Variants in MIR2052HG observed in about 807,000 individuals in gnomAD.
The protein encoded by MIR2052HG is MIR2052 host gene.
chr8:74,647,327 T>C (rs918276805), intron 2 of MIR2052HG, among the ~76,000 whole-genome samples: 9 of 152,182 alleles, frequency 5.9e-5, no homozygotes, highest in African/African-American at 2.2e-4. Flanking sequence ...AGTCTCCAGT[T>C]GCTTTAACTG....
chr8:74,737,126 A>G (rs1213839078), intron 4 of MIR2052HG, among the ~76,000 whole-genome samples: 1 of 152,186 alleles, frequency 6.6e-6, no homozygotes, highest in African/African-American at 2.4e-5. Flanking sequence ...TCATTTGCAT[A>G]GAAGTATAAC....
At chr8:74,626,833 C>A (rs987010199) in intron 2 of MIR2052HG, among the ~76,000 whole-genome samples, 20 of 152,338 alleles carry the variant, frequency 1.3e-4, no homozygotes, top group African/African-American at 4.3e-4. Flanking sequence ...TACACTGCAG[C>A]CAGACTGACC....
At chr8:74,604,747 C>T (rs1205916019) in intron 1 of MIR2052HG, among the ~76,000 whole-genome samples, 1 of 151,722 alleles carries the variant, frequency 6.6e-6, no homozygotes, top group Non-Finnish European at 1.5e-5. Flanking sequence ...GCATGTGCCA[C>T]CATGCCTGGC....
At chr8:74,668,856 C>T (rs547325303) in intron 2 of MIR2052HG, among the ~76,000 whole-genome samples, 3 of 152,156 alleles carry the variant, frequency 2.0e-5, no homozygotes, top group East Asian at 3.9e-4. Context: ...AGAAGACTTG[C>T]GGAAGCTCAT....
intron 1 of MIR2052HG, among the ~76,000 whole-genome samples, chr8:74,601,284 C>G (rs1361523955): frequency 6.6e-6 from 1 of 152,244 alleles, no homozygotes; most frequent in Non-Finnish European, 1.5e-5. Flanking sequence ...AGCACTCCAA[C>G]TGGAATTGCC....
intron 4 of MIR2052HG, among the ~76,000 whole-genome samples, chr8:74,722,698 T>A (rs577067312): frequency 1.3e-5 from 2 of 152,268 alleles, no homozygotes; most frequent in Non-Finnish European, 1.5e-5. Flanking sequence ...ATTACGACCA[T>A]AACAACAGTG....
At chr8:74,603,339 A>G in intron 1 of MIR2052HG, 1 of 1,609,828 alleles carries the variant, frequency 6.2e-7, no homozygotes, top group Non-Finnish European at 8.5e-7. Context: ...CATTGATTAG[A>G]TATTGAGCCA....
chr8:74,712,588 A>G (rs1007630583), intron 4 of MIR2052HG, among the ~76,000 whole-genome samples: 2 of 152,194 alleles, frequency 1.3e-5, no homozygotes, highest in African/African-American at 4.8e-5. Context: ...TAAGCAGTGG[A>G]TCAGGGATTA....
intron 2 of MIR2052HG, among the ~76,000 whole-genome samples, chr8:74,630,496 GA>G (rs1808494014): frequency 3.7e-5 from 2 of 54,248 alleles, no homozygotes; most frequent in African/African-American, 7.6e-5. Flanking sequence ...AGAATCTTCA[GA>G]AAAAGGACAA....
intron 2 of MIR2052HG, among the ~76,000 whole-genome samples, chr8:74,691,354 C>T (rs545046727): frequency 2.6e-5 from 4 of 152,192 alleles, no homozygotes; most frequent in Non-Finnish European, 5.9e-5. Flanking sequence ...ACCTGTGGCA[C>T]AGGTGCTCTG....
At chr8:74,616,285 A>G (rs1808281028) in intron 2 of MIR2052HG, among the ~76,000 whole-genome samples, 1 of 151,390 alleles carries the variant, frequency 6.6e-6, no homozygotes, top group South Asian at 2.1e-4. Context: ...TTGTTTCCTG[A>G]CTTTTTAATG....
chr8:74,716,697 AAG>A (rs2128742140), intron 4 of MIR2052HG, among the ~76,000 whole-genome samples: 1 of 152,216 alleles, frequency 6.6e-6, no homozygotes, highest in African/African-American at 2.4e-5. Flanking sequence ...GCAACAGAAC[AAG>A]ACTCTGTCTC....
chr8:74,608,520 C>G (rs1008878176), intron 1 of MIR2052HG, among the ~76,000 whole-genome samples: 2 of 152,056 alleles, frequency 1.3e-5, no homozygotes, highest in Non-Finnish European at 2.9e-5. Flanking sequence ...ACATTCTTTT[C>G]AATGTATATT....
At chr8:74,604,055 G>A in intron 1 of MIR2052HG, 1 of 965,216 alleles carries the variant, frequency 1.0e-6, no homozygotes. Flanking sequence ...GCATTAGCAG[G>A]TCCAGCAAAA....
chr8:74,642,009 G>A (rs1178286806), intron 2 of MIR2052HG, among the ~76,000 whole-genome samples: 3 of 152,082 alleles, frequency 2.0e-5, no homozygotes. Context: ...TGGTGGTGGT[G>A]TGGGTGACTG....
At chr8:74,635,989 A>C (rs780355755) in intron 2 of MIR2052HG, among the ~76,000 whole-genome samples, 14 of 152,172 alleles carry the variant, frequency 9.2e-5, no homozygotes, top group Non-Finnish European at 1.8e-4. Flanking sequence ...AAACAAACTC[A>C]TCATTTCTTT....
At chr8:74,738,501 C>T (rs1225757220) in intron 4 of MIR2052HG, among the ~76,000 whole-genome samples, 1 of 152,160 alleles carries the variant, frequency 6.6e-6, no homozygotes, top group Non-Finnish European at 1.5e-5. Flanking sequence ...CTCTAAATTA[C>T]TTATTTTACT....
At chr8:74,738,476 C>T (rs973659733) in intron 4 of MIR2052HG, among the ~76,000 whole-genome samples, 20 of 152,146 alleles carry the variant, frequency 1.3e-4, no homozygotes, top group Non-Finnish European at 2.9e-5. Context: ...TTCCAAATAC[C>T]TGGTGGCTCT....
chr8:74,631,302 T>C (rs1193645721), intron 2 of MIR2052HG, among the ~76,000 whole-genome samples: 2 of 152,164 alleles, frequency 1.3e-5, no homozygotes, highest in African/African-American at 4.8e-5. Flanking sequence ...CAACAACAAA[T>C]CTTAAGAGAT....
Sources: gnomAD v4.1 joint callset for allele counts (sites outside exome capture counted in the v4.1 genomes callset) on GRCh38, gnomAD v4.1.1 for gene constraint, MANE v1.5 for transcripts, NCBI Gene and HGNC (gene_info 2026-07-23, HGNC 2026-07-21) for gene names.